The following DIS3L2 variants were observed in gnomAD, a reference collection of about 807,000 sequenced individuals.
DIS3L2 encodes DIS3 like 3'-5' exoribonuclease 2, also known as DIS3-like exonuclease 2.
A neutral mutation model predicts 97.5 loss-of-function variants in DIS3L2; 34 were observed. The observed-to-expected ratio is 0.35, with a 90% confidence interval of 0.27 to 0.46. The LOEUF (loss-of-function observed/expected upper bound fraction) is 0.46, where lower values mean the gene tolerates loss of function less well. DIS3L2 is among the 20% of genes least tolerant of loss of function. The pLI, the probability that DIS3L2 is intolerant of heterozygous loss-of-function variation, is 1.00. For missense variants in DIS3L2, 1,038 were observed against 1,146.0 expected (o/e 0.91, Z 1.36); for synonymous variants, 435 against 445.2 (o/e 0.98, Z 0.29).
chr2:232,153,759 T>C (rs1444785291), intron 8 of DIS3L2, among the ~76,000 whole-genome samples: 1 of 151,054 alleles, frequency 6.6e-6, no homozygotes, highest in Non-Finnish European at 1.5e-5. Flanking sequence ...CCTTGCTAGA[T>C]TGGGGAAGTT....
At chr2:232,247,653 A>G (rs1439573805) in intron 11 of DIS3L2, among the ~76,000 whole-genome samples, 1 of 107,274 alleles carries the variant, frequency 9.3e-6, no homozygotes, top group Admixed American at 1.4e-4. Flanking sequence ...GAGGGTGCCA[A>G]TTCAGTCCCT....
intron 3 of DIS3L2, 97 bp from the exon 4 acceptor site, chr2:232,024,180 C>G (rs1694594030): frequency 1.2e-6 from 1 of 813,412 alleles, no homozygotes; most frequent in South Asian, 1.8e-5. Context: ...CTCAAGTGAC[C>G]TGTTTAATTT....
intron 17 of DIS3L2, 39 bp downstream of exon 17, chr2:232,334,026 G>A (rs376753186): frequency 7.0e-6 from 11 of 1,577,590 alleles, no homozygotes; most frequent in Non-Finnish European, 8.6e-6. Context: ...ACCTGGGCCA[G>A]CTCAGGGCTG....
chr2:232,144,754 A>G (rs942258460), intron 8 of DIS3L2, among the ~76,000 whole-genome samples: 5 of 152,138 alleles, frequency 3.3e-5, no homozygotes, highest in African/African-American at 4.8e-5. Context: ...AGTCTCTCCA[A>G]TTTGTGACAT....
intron 12 of DIS3L2, among the ~76,000 whole-genome samples, chr2:232,251,640 C>T (rs187611181): frequency 6.6e-6 from 1 of 152,306 alleles, no homozygotes; most frequent in Admixed American, 6.5e-5. Flanking sequence ...GGCACATCAT[C>T]AAGACACATC....
At chr2:232,206,980 A>G (rs1692043222) in intron 9 of DIS3L2, among the ~76,000 whole-genome samples, 1 of 152,218 alleles carries the variant, frequency 6.6e-6, no homozygotes, top group Non-Finnish European at 1.5e-5. Flanking sequence ...GTCTCAAAGC[A>G]CCCAGAGACG....
Position 232,336,823 on chromosome 2 carries a change from G to GAGGCC in DIS3L2, c.*194_*198dup. The GAGGCC allele has an allele frequency of 7.1e-7, 1 of 1,416,936 alleles. No homozygotes were observed. Among genetic ancestry groups the GAGGCC allele is most frequent in the East Asian group, 2.7e-5 (1 of 37,686 alleles). The allele number at this position is 1,416,936 out of a possible 1,614,324, so 87.8% of individuals were successfully genotyped here. ...AGAGGGTGGGGCTGGAAGGAAGGCTGAGGCCTGGTCAGCAGTGACCCCAGC... is the reference window on the plus strand; with the variant it reads ...AGAGGGTGGGGCTGGAAGGAAGGCTGAGGCCAGGCCTGGTCAGCAGTGACCCCAGC... On this transcript the variant is annotated 3_prime_UTR_variant, in exon 21 of 21. Transcript: ENST00000325385.
At chr2:232,329,789 T>TGCCCC in intron 14 of DIS3L2, 24 bp from the exon 15 acceptor site, 2 of 368,618 alleles carry the variant, frequency 5.4e-6, no homozygotes, top group Non-Finnish European at 5.1e-6. Flanking sequence ...CAGCGGTCCC[T>TGCCCC]CCCATCCCAC....
chr2:231,997,797 G>GT (rs1176156802), intron 1 of DIS3L2, among the ~76,000 whole-genome samples: 3 of 151,974 alleles, frequency 2.0e-5, no homozygotes, highest in Non-Finnish European at 2.9e-5. Context: ...CCTCTATTGT[G>GT]TTTTTTTGTT....
chr2:232,212,920 G>A (rs961138706), intron 10 of DIS3L2, among the ~76,000 whole-genome samples: 4 of 152,180 alleles, frequency 2.6e-5, no homozygotes, highest in African/African-American at 9.7e-5. Flanking sequence ...GGATGACTGG[G>A]AGATGGAACC....
At chr2:232,253,482 A>T (rs1316122891) in intron 12 of DIS3L2, among the ~76,000 whole-genome samples, 1 of 152,248 alleles carries the variant, frequency 6.6e-6, no homozygotes, top group Non-Finnish European at 1.5e-5. Flanking sequence ...GTAGATTAAT[A>T]TACATAGCAC....
At position 232,306,351 on chromosome 2, in the gene DIS3L2, C is replaced by T. The variant is rs183332338; in HGVS notation, c.1739+6232C>T. Among the ~76,000 whole-genome samples the T allele has an allele frequency of 1.3e-4, 20 of 152,268 alleles. No individual in the cohort carries two copies. In the East Asian group the frequency reaches 3.9e-3, roughly 29 times the overall value. ...ATGACCAGGTCTTCAGTTCCATGGC[C>T]AGGTCTTCTGCCTCCTGCATGCATT... is the stretch of plus-strand genomic sequence containing the variant. On this transcript the variant is annotated intron_variant, in intron 14 of 20. Transcript: ENST00000325385.
intron 15 of DIS3L2, among the ~76,000 whole-genome samples, chr2:232,330,238 GGGCAGGGGTCCTGT>G (rs1695696441): frequency 6.6e-6 from 1 of 152,264 alleles, no homozygotes; most frequent in Non-Finnish European, 1.5e-5. Flanking sequence ...GCCTAGCAGA[GGGCAGGGGTCCTGT>G]GGCCAGAAAG....
chr2:232,265,493 C>T (rs1455491808), intron 13 of DIS3L2, among the ~76,000 whole-genome samples: 1 of 152,200 alleles, frequency 6.6e-6, no homozygotes, highest in Non-Finnish European at 1.5e-5. Flanking sequence ...ATCAGTGATG[C>T]AGTAGGTGGC....
chr2:232,176,401 C>T (rs1346867410), intron 9 of DIS3L2, among the ~76,000 whole-genome samples: 1 of 152,100 alleles, frequency 6.6e-6, no homozygotes, highest in Non-Finnish European at 1.5e-5. Context: ...GATCTTTTCA[C>T]ATAGCCAACT....
In DIS3L2 at chr2:232,258,614, A is replaced by G. The variant is rs953433763; in HGVS notation, c.1426-4593A>G. 9.9e-5 allele frequency among the ~76,000 whole-genome samples: 15 copies of G among 151,838 alleles called. 1 individual carries two copies. In the East Asian group the frequency reaches 2.5e-3, roughly 25 times the overall value. Reference sequence around the variant, plus strand: ...ACTCTGTCTCAAAAAAAAAAAAAAAAAAAAAAGGAAAGAGGAAAGACATGA... The same window carrying G: ...ACTCTGTCTCAAAAAAAAAAAAAAAGAAAAAAGGAAAGAGGAAAGACATGA... On this transcript the variant is annotated intron_variant, in intron 12 of 20. Transcript: ENST00000325385.
intron 1 of DIS3L2, among the ~76,000 whole-genome samples, chr2:232,010,246 C>T (rs1314881119): frequency 6.6e-6 from 1 of 152,168 alleles, no homozygotes; most frequent in Non-Finnish European, 1.5e-5. Flanking sequence ...ATTCAACCGT[C>T]TGGATATCCT....
downstream of DIS3L2, chr2:232,341,135 A>T (rs1696093163): frequency 2.8e-6 from 1 of 361,174 alleles, no homozygotes; most frequent in Non-Finnish European, 5.4e-6. Flanking sequence ...CAACAGATAC[A>T]TGTCCCTCGC....
intron 8 of DIS3L2, among the ~76,000 whole-genome samples, chr2:232,157,252 A>G (rs1402076075): frequency 6.6e-6 from 1 of 152,152 alleles, no homozygotes; most frequent in African/African-American, 2.4e-5. Context: ...GCAAAACTAA[A>G]TATTTTATGT....
Sources: allele counts gnomAD v4.1 joint callset (sites outside exome capture counted in the v4.1 genomes callset), GRCh38; gene constraint gnomAD v4.1.1; transcripts MANE v1.5; gene names NCBI Gene and HGNC (gene_info 2026-07-23, HGNC 2026-07-21).